The following CCDC33 variants were observed in gnomAD, a reference collection of about 807,000 sequenced individuals.
CCDC33 encodes the protein coiled-coil domain-containing protein 33.
Under a neutral mutation model 91.9 loss-of-function variants are expected in CCDC33, and 94 were observed. That is an observed-to-expected ratio of 1.02 (90% CI 0.87 to 1.21). The LOEUF is 1.21. Ranked by LOEUF, CCDC33 falls within the 50% of genes most tolerant of loss-of-function variation. CCDC33 has a pLI of 0.00. For synonymous variants in CCDC33, 396 were observed against 374.5 expected, an observed-to-expected ratio of 1.06 and a Z score of -0.66; for missense variants, 940 against 935.5, an observed-to-expected ratio of 1.00 and a Z score of -0.06.
intron 1 of CCDC33, among the ~76,000 whole-genome samples, chr15:74,206,405 T>C (rs921944104): frequency 1.3e-5 from 2 of 152,160 alleles, no homozygotes; most frequent in Admixed American, 6.5e-5. Context: ...GAGGCTCGGC[T>C]CTGAGCTGTT....
chr15:74,252,561 T>A (rs1055705032), intron 2 of CCDC33, among the ~76,000 whole-genome samples: 4 of 152,124 alleles, frequency 2.6e-5, no homozygotes, highest in African/African-American at 7.2e-5. Flanking sequence ...GTTATTCCCA[T>A]GTGATAGTGG....
At chr15:74,232,361 C>T (rs1205935819), upstream of CCDC33, among the ~76,000 whole-genome samples, 16 of 152,148 alleles carry the variant, frequency 1.1e-4, no homozygotes, top group Non-Finnish European at 2.4e-4. Context: ...GAGACTACAG[C>T]GCCTTGGGGG....
chr15:74,228,800 G>T (rs924410749), intron 2 of CCDC33, among the ~76,000 whole-genome samples: 1 of 152,236 alleles, frequency 6.6e-6, no homozygotes, highest in Non-Finnish European at 1.5e-5. Flanking sequence ...AGACAGGCAG[G>T]GGCCGGGCCA....
intron 2 of CCDC33, among the ~76,000 whole-genome samples, chr15:74,245,230 T>A (rs996238756): frequency 3.9e-5 from 6 of 152,100 alleles, no homozygotes; most frequent in Non-Finnish European, 8.8e-5. Context: ...GAGCCCAAAC[T>A]TAGGAGCCAA....
intron 2 of CCDC33, among the ~76,000 whole-genome samples, chr15:74,248,486 C>G (rs1007349972): frequency 6.6e-5 from 10 of 152,098 alleles, no homozygotes; most frequent in Non-Finnish European, 1.3e-4. Context: ...GAATCCCTGT[C>G]TCAGCCTGGA....
At chr15:74,314,426 G>A (rs1484793834) in intron 11 of CCDC33, among the ~76,000 whole-genome samples, 1 of 152,182 alleles carries the variant, frequency 6.6e-6, no homozygotes, top group Non-Finnish European at 1.5e-5. Context: ...GAGATGGAAG[G>A]AGACACACTC....
chr15:74,228,638 A>G (rs1016667977), intron 2 of CCDC33, among the ~76,000 whole-genome samples: 7 of 152,180 alleles, frequency 4.6e-5, no homozygotes, highest in East Asian at 3.9e-4. Flanking sequence ...TTGAGTCACT[A>G]TTGGGCCAGT....
intron 1 of CCDC33, among the ~76,000 whole-genome samples, chr15:74,241,182 T>C (rs1479955420): frequency 6.6e-6 from 1 of 151,838 alleles, no homozygotes; most frequent in Non-Finnish European, 1.5e-5. Context: ...TGACAGGCCC[T>C]GCTGGGTCCT....
intron 4 of CCDC33, among the ~76,000 whole-genome samples, chr15:74,268,012 C>T (rs1345302442): frequency 7.2e-5 from 11 of 152,190 alleles, no homozygotes; most frequent in Admixed American, 6.5e-5. Flanking sequence ...CCCTGGGAGA[C>T]TCAGCACTTG....
chr15:74,272,619 G>A, intron 6 of CCDC33, 152 bp from the exon 7 acceptor site: 1 of 905,164 alleles, frequency 1.1e-6, no homozygotes, highest in Non-Finnish European at 1.6e-6. Flanking sequence ...CAGCCCAGTG[G>A]TCCCCACTTG....
At chr15:74,236,832 CA>C in intron 1 of CCDC33, 92 bp downstream of exon 1, 1 of 1,273,374 alleles carries the variant, frequency 7.9e-7, no homozygotes, top group Non-Finnish European at 1.1e-6. Context: ...TTAATCATGA[CA>C]AAAGCTTCCC....
Position 74,268,324 on chromosome 15 carries a change from C to T in CCDC33, c.430-18C>T. 1 of 1,586,152 alleles carries T rather than the reference C, an allele frequency of 6.3e-7. No homozygotes were observed. Among genetic ancestry groups the T allele is most frequent in the Non-Finnish European group, 8.7e-7 (1 of 1,154,952 alleles). ...CACTCTCCTTCCTCTGTGTCTTCTGCCCCAACCCTGTCTCCAGCCCACTGA... is the reference window on the plus strand; with the variant it reads ...CACTCTCCTTCCTCTGTGTCTTCTGTCCCAACCCTGTCTCCAGCCCACTGA... On this transcript the variant is annotated intron_variant, in intron 4 of 18. Coordinates refer to ENST00000398814, the MANE Select transcript of CCDC33 (RefSeq NM_025055.5).
At chr15:74,294,626 A>G (rs976205035) in intron 10 of CCDC33, among the ~76,000 whole-genome samples, 1 of 152,002 alleles carries the variant, frequency 6.6e-6, no homozygotes, top group Non-Finnish European at 1.5e-5. Context: ...GGATGCCTGT[A>G]GTCCCAGCTA....
At chr15:74,217,689 G>A in intron 1 of CCDC33, 2 of 908,832 alleles carry the variant, frequency 2.2e-6, no homozygotes, top group Non-Finnish European at 1.4e-6. Context: ...GGTGGGGTCA[G>A]AGCTCCAGAC....
chr15:74,217,238 A>G (rs936256309), exon 1 of CCDC33: 6 of 1,232,942 alleles, frequency 4.9e-6, no homozygotes, highest in Non-Finnish European at 6.3e-6. Context: ...GAGAGGGTGC[A>G]GTGCTCAGCC....
At chr15:74,271,646 T>G in intron 5 of CCDC33, 57 bp from the exon 6 acceptor site, 1 of 1,373,022 alleles carries the variant, frequency 7.3e-7, no homozygotes, top group Non-Finnish European at 1.0e-6. Context: ...GCTGGCTGTC[T>G]CTGGAAGGTC....
upstream of CCDC33, among the ~76,000 whole-genome samples, chr15:74,216,422 G>A (rs543054000): frequency 5.3e-5 from 8 of 150,660 alleles, no homozygotes; most frequent in Admixed American, 2.0e-4. Context: ...CAAGTCAGGC[G>A]ACTAGAACTC....
intron 7 of CCDC33, among the ~76,000 whole-genome samples, chr15:74,279,013 A>G (rs2076521351): frequency 6.6e-6 from 1 of 152,234 alleles, no homozygotes; most frequent in Non-Finnish European, 1.5e-5. Context: ...GACAGAGGTC[A>G]TGTCTAACTT....
intron 7 of CCDC33, among the ~76,000 whole-genome samples, chr15:74,273,768 G>A (rs1338831009): frequency 2.0e-5 from 3 of 149,478 alleles, no homozygotes; most frequent in Non-Finnish European, 3.0e-5. Flanking sequence ...TGCGCCCAGC[G>A]AAAAATTTTT....
Sources: allele counts gnomAD v4.1 joint callset (sites outside exome capture counted in the v4.1 genomes callset), GRCh38; gene constraint gnomAD v4.1.1; transcripts MANE v1.5; gene names NCBI Gene and HGNC (gene_info 2026-07-23, HGNC 2026-07-21).